The following FGF13 variants were observed in gnomAD, a reference collection of about 807,000 sequenced individuals.
The protein encoded by FGF13 is fibroblast growth factor 13, also known as fibroblast growth factor homologous factor 2.
A neutral mutation model predicts 19.5 loss-of-function variants in FGF13; 2 were observed. The observed-to-expected ratio is 0.10, with a 90% CI of 0.04 to 0.32. The LOEUF is 0.32. Ranked by LOEUF, FGF13 falls within the 10% of genes least tolerant of loss-of-function variation. The pLI, the probability that FGF13 is intolerant of heterozygous loss-of-function variation, is 1.00. For synonymous variants in FGF13, 72 were observed against 76.9 expected, an observed-to-expected ratio of 0.94 and a Z score of 0.33; for missense variants, 113 against 192.7, an observed-to-expected ratio of 0.59 and a Z score of 2.45.
intron 1 of FGF13, among the ~76,000 whole-genome samples, chrX:139,161,523 T>G (rs904878942): frequency 5.0e-4 from 56 of 111,074 alleles, no homozygotes; most frequent in African/African-American, 1.8e-3. Flanking sequence ...GCCCTCCTAT[T>G]CAATAAAGTA....
intron 1 of FGF13, among the ~76,000 whole-genome samples, chrX:138,973,405 T>C (rs1480865116): frequency 8.9e-6 from 1 of 112,337 alleles, no homozygotes; most frequent in Admixed American, 9.4e-5. Flanking sequence ...AAAACTTGCT[T>C]GGCAGCCTAA....
At chrX:138,721,284 G>A (rs922840235) in intron 1 of FGF13, among the ~76,000 whole-genome samples, 1 of 111,742 alleles carries the variant, frequency 8.9e-6, no homozygotes. Flanking sequence ...TGAAAAGACT[G>A]TCCAAGCCAG....
intron 3 of FGF13, among the ~76,000 whole-genome samples, chrX:138,769,076 C>T (rs778514176): frequency 4.5e-4 from 50 of 111,073 alleles, no homozygotes; most frequent in Non-Finnish European, 6.4e-4. Context: ...CACTGTAACA[C>T]GCTTGACCTA....
intron 1 of FGF13, among the ~76,000 whole-genome samples, chrX:139,128,547 C>T (rs763595122): frequency 2.7e-5 from 3 of 112,375 alleles, no homozygotes; most frequent in Non-Finnish European, 5.6e-5. Context: ...AGTCCAAAGG[C>T]TCTTTCTCCT....
chrX:138,725,600 T>C (rs1478404017), intron 1 of FGF13, among the ~76,000 whole-genome samples: 1 of 111,738 alleles, frequency 8.9e-6, no homozygotes, highest in African/African-American at 3.2e-5. Context: ...CACCAGACAT[T>C]ATGAATTTCA....
At chrX:138,941,604 T>A (rs1365469281) in intron 1 of FGF13, among the ~76,000 whole-genome samples, 1 of 112,011 alleles carries the variant, frequency 8.9e-6, no homozygotes, top group Non-Finnish European at 1.9e-5. Context: ...GAATCAATAT[T>A]ATTAAAATGG....
chrX:138,630,108 T>C lies in FGF13; in HGVS notation c.*2742A>G, dbSNP rs1216927894. 2 of 110,644 alleles carry C rather than the reference T, an allele frequency of 1.8e-5. No individual in the cohort carries two copies. The highest frequency in any genetic ancestry group is 6.6e-5 in the African/African-American group (2 of 30,400). 9.1% of individuals were successfully genotyped at this position (110,644 alleles called of 1,213,427 possible). On this transcript the variant is annotated 3_prime_UTR_variant, in exon 5 of 5. Transcript: ENST00000315930. ...CACTTGTAGGAAGGTTTGAGGACTA[T>C]TTATTTACTTATTAATTTATTTTAA... is the stretch of plus-strand genomic sequence containing the variant.
At position 138,750,194 on chromosome X, in the gene FGF13, C is replaced by T. The variant is rs1328905835; in HGVS notation, c.218-41266G>A. 2.7e-5 allele frequency among the ~76,000 whole-genome samples: 3 copies of T among 110,574 alleles called. No homozygotes were observed. In the Admixed American group the frequency reaches 2.9e-4, roughly 11 times the overall value. ...TTCTGATTGGGCAACAGGATGGTTG[C>T]GGTGTTAGAAACCTGGAGCGCATTT... On this transcript the variant is annotated intron_variant, in intron 3 of 6. Coordinates refer to the FGF13 transcript ENST00000436198.
chrX:138,768,785 C>T (rs2090523803), intron 3 of FGF13, among the ~76,000 whole-genome samples: 1 of 102,528 alleles, frequency 9.8e-6, no homozygotes, highest in South Asian at 4.3e-4. Context: ...TCTGGGCCAA[C>T]AGCCTAGGAG....
At chrX:138,752,298 A>C in intron 3 of FGF13, among the ~76,000 whole-genome samples, 1 of 110,985 alleles carries the variant, frequency 9.0e-6, no homozygotes, top group Non-Finnish European at 1.9e-5. Context: ...ATGGTGGTGC[A>C]TGCCTGTAAT....
At chrX:138,704,356 C>T (rs904359302) in intron 2 of FGF13, among the ~76,000 whole-genome samples, 1 of 111,823 alleles carries the variant, frequency 8.9e-6, no homozygotes, top group African/African-American at 3.3e-5. Flanking sequence ...TAAAACAGTA[C>T]ATTTTTAAAA....
intron 3 of FGF13, among the ~76,000 whole-genome samples, chrX:138,786,825 C>A (rs1456694783): frequency 8.9e-6 from 1 of 112,279 alleles, no homozygotes; most frequent in Non-Finnish European, 1.9e-5. Context: ...CCTATTAACA[C>A]CACAATTCCA....
Position 138,670,907 on chromosome X carries a change from CT to C in FGF13, c.402+32076del, listed in dbSNP as rs748692366. On this transcript the variant is annotated intron_variant, in intron 3 of 4. Transcript: ENST00000315930. ...ATGTAATTATGTTTCCTTAAAAATC[CT>C]TTATAAGACTGACCTACTTCATAAT... Among the ~76,000 whole-genome samples, 236 of 110,495 alleles carry C rather than the reference CT, an allele frequency of 2.1e-3. 1 individual carries two copies. The highest frequency in any genetic ancestry group is 3.6e-3 in the Non-Finnish European group (189 of 52,778).
At chrX:139,176,877 A>C (rs186635613) in intron 1 of FGF13, among the ~76,000 whole-genome samples, 1 of 111,664 alleles carries the variant, frequency 9.0e-6, no homozygotes, top group African/African-American at 3.3e-5. Flanking sequence ...TTTGAAGAAT[A>C]TATCTTCTGT....
chrX:138,775,171 C>T (rs1011721102), intron 3 of FGF13, among the ~76,000 whole-genome samples: 13 of 112,132 alleles, frequency 1.2e-4, no homozygotes, highest in Admixed American at 8.5e-4. Context: ...GTTGGCCAGG[C>T]TGGTCTTGAA....
At chrX:138,810,220 A>T (rs2090910864) in intron 3 of FGF13, among the ~76,000 whole-genome samples, 1 of 112,183 alleles carries the variant, frequency 8.9e-6, no homozygotes, top group African/African-American at 3.2e-5. Context: ...TAACCAAAAC[A>T]GCATGGTACT....
chrX:139,202,419 G>A (rs1310179889), intron 1 of FGF13, among the ~76,000 whole-genome samples: 1 of 111,672 alleles, frequency 9.0e-6, no homozygotes, highest in Non-Finnish European at 1.9e-5. Flanking sequence ...GCCTGTTTGA[G>A]ACTCAACAAT....
At chrX:138,770,889 G>A (rs1602818654) in intron 3 of FGF13, among the ~76,000 whole-genome samples, 3 of 111,773 alleles carry the variant, frequency 2.7e-5, no homozygotes, top group Admixed American at 1.9e-4. Context: ...CTGGGTCGGT[G>A]TGGGGTGGAG....
chrX:138,951,656 T>C (rs2091813365), intron 1 of FGF13, among the ~76,000 whole-genome samples: 1 of 111,337 alleles, frequency 9.0e-6, no homozygotes, highest in Non-Finnish European at 1.9e-5. Context: ...CATGGAAATA[T>C]CAGGAAATAC....
Sources: gnomAD v4.1 joint callset for allele counts (sites outside exome capture counted in the v4.1 genomes callset) on GRCh38, gnomAD v4.1.1 for gene constraint, MANE v1.5 for transcripts, NCBI Gene and HGNC (gene_info 2026-07-23, HGNC 2026-07-21) for gene names.